Variants in R3HDM1 observed in about 807,000 individuals in gnomAD.
The protein encoded by R3HDM1 is R3H domain-containing protein 1.
R3HDM1 carries 46 observed loss-of-function variants against 141.1 expected under a neutral mutation model. The observed-to-expected ratio is 0.33, with a 90% CI of 0.26 to 0.42. R3HDM1 has a LOEUF of 0.42. Ranked by LOEUF, R3HDM1 falls within the 10% of genes least tolerant of loss-of-function variation. The pLI is 1.00. For missense variants in R3HDM1, 1,184 were observed against 1,368.3 expected (o/e 0.87, Z 2.12); for synonymous variants, 435 against 472.9 (o/e 0.92, Z 1.04).
intron 24 of R3HDM1, among the ~76,000 whole-genome samples, chr2:135,720,240 G>C (rs2076575610): frequency 1.3e-5 from 2 of 152,176 alleles, no homozygotes; most frequent in African/African-American, 4.8e-5. Context: ...CTATAGGTTG[G>C]GAAAGAGTAT....
chr2:135,647,257 T>G (rs1200768944), intron 16 of R3HDM1, among the ~76,000 whole-genome samples: 1 of 152,224 alleles, frequency 6.6e-6, no homozygotes, highest in Non-Finnish European at 1.5e-5. Context: ...CTGCCTTGGC[T>G]TCAGTCAGCT....
chr2:135,599,102 GT>G (rs1451759738), intron 1 of R3HDM1, among the ~76,000 whole-genome samples: 3 of 151,928 alleles, frequency 2.0e-5, no homozygotes, highest in African/African-American at 7.3e-5. Flanking sequence ...CTTTTTTAAG[GT>G]TATGACCTTT....
At chr2:135,587,024 G>A in intron 1 of R3HDM1, 1 of 974,622 alleles carries the variant, frequency 1.0e-6, no homozygotes, top group Non-Finnish European at 1.2e-6. Context: ...GGAAGAGGTA[G>A]AATAATTTTT....
chr2:135,597,317 G>A (rs1428557938), intron 1 of R3HDM1: 1 of 946,732 alleles, frequency 1.1e-6, no homozygotes, highest in Non-Finnish European at 1.3e-6. Flanking sequence ...TAAAGCTATA[G>A]TGCCTTCTGT....
intron 21 of R3HDM1, among the ~76,000 whole-genome samples, chr2:135,694,212 T>A (rs1480664103): frequency 1.3e-5 from 2 of 152,186 alleles, no homozygotes; most frequent in African/African-American, 4.8e-5. Context: ...AAACTTGCTG[T>A]TTTAGATATT....
intron 21 of R3HDM1, among the ~76,000 whole-genome samples, chr2:135,701,223 C>CAAAA (rs748354211): frequency 1.2e-5 from 1 of 82,432 alleles, no homozygotes; most frequent in Non-Finnish European, 2.7e-5. Flanking sequence ...TCATCTCTAC[C>CAAAA]AAAAAAAAAA....
chr2:135,533,667 C>T (rs1176818519), intron 1 of R3HDM1, among the ~76,000 whole-genome samples: 1 of 152,190 alleles, frequency 6.6e-6, no homozygotes, highest in Non-Finnish European at 1.5e-5. Flanking sequence ...CACCTGAGGT[C>T]GGGAGTTGGA....
intron 21 of R3HDM1, among the ~76,000 whole-genome samples, chr2:135,684,070 C>A (rs1413905801): frequency 1.3e-5 from 2 of 151,600 alleles, no homozygotes; most frequent in East Asian, 1.9e-4. Context: ...GAACATATTT[C>A]TTTTGTTTTG....
intron 1 of R3HDM1, among the ~76,000 whole-genome samples, chr2:135,567,592 A>G (rs1703096640): frequency 6.6e-6 from 1 of 152,234 alleles, no homozygotes; most frequent in African/African-American, 2.4e-5. Flanking sequence ...CCTTTAAAAA[A>G]GTAAAGTAAA....
intron 1 of R3HDM1, among the ~76,000 whole-genome samples, chr2:135,551,238 A>G (rs1305868176): frequency 6.6e-6 from 1 of 152,214 alleles, no homozygotes; most frequent in Admixed American, 6.5e-5. Flanking sequence ...CAAACTGACA[A>G]GTTTGTTTTT....
intron 15 of R3HDM1, among the ~76,000 whole-genome samples, chr2:135,644,276 G>T (rs1246378167): frequency 6.6e-6 from 1 of 152,234 alleles, no homozygotes; most frequent in African/African-American, 2.4e-5. Context: ...ACCAAGGCGG[G>T]TGGATCACGT....
chr2:135,678,812 G>A (rs918302502), intron 20 of R3HDM1, among the ~76,000 whole-genome samples: 13 of 134,586 alleles, frequency 9.7e-5, no homozygotes, highest in Admixed American at 8.9e-4. Flanking sequence ...CCAGGCTAGA[G>A]TGCAGTGGCT....
chr2:135,594,126 C>T (rs2105073102), intron 1 of R3HDM1, among the ~76,000 whole-genome samples: 1 of 152,334 alleles, frequency 6.6e-6, no homozygotes, highest in Middle Eastern at 3.4e-3. Context: ...CCAGGAGCTG[C>T]TTGTCTCCCA....
At chr2:135,707,780 C>A (rs1219602502) in intron 21 of R3HDM1, among the ~76,000 whole-genome samples, 1 of 152,194 alleles carries the variant, frequency 6.6e-6, no homozygotes. Context: ...CCACAGGTAG[C>A]TAATACTTAT....
chr2:135,630,877 T>TC (rs2062639707), intron 7 of R3HDM1, among the ~76,000 whole-genome samples: 1 of 152,094 alleles, frequency 6.6e-6, no homozygotes, highest in Non-Finnish European at 1.5e-5. Flanking sequence ...GTTATGGGTG[T>TC]GTGAGCAGGG....
At chr2:135,714,790 C>CAG (rs375509290) in intron 23 of R3HDM1, among the ~76,000 whole-genome samples, 3,543 of 151,718 alleles carry the variant, frequency 0.023, 55 homozygotes, top group Middle Eastern at 0.054. Context: ...CACACACACA[C>CAG]AGAGAAAGCA....
In R3HDM1 at chr2:135,642,963, T is replaced by C. The variant is rs560443917; in HGVS notation, c.1474+1173T>C. On this transcript the variant is annotated intron_variant, in intron 15 of 26. Coordinates refer to ENST00000683871, the MANE Select transcript of R3HDM1 (RefSeq NM_001378107.1). Reference sequence around the variant, plus strand: ...ACATTCCTGTTTTTATCCAGCAAGATGTAAGATGATTTAATATTTTACTTT... The same window carrying C: ...ACATTCCTGTTTTTATCCAGCAAGACGTAAGATGATTTAATATTTTACTTT... Among the ~76,000 whole-genome samples, 4 of 152,324 alleles carry C rather than the reference T, an allele frequency of 2.6e-5. No homozygotes were observed. The East Asian group carries it at 7.7e-4, about 29-fold the overall frequency.
Position 135,586,258 on chromosome 2 carries a change from G to C in R3HDM1, c.-249-16242G>C, listed in dbSNP as rs1162892931. 2.0e-5 allele frequency: 3 copies of C among 152,436 alleles called. No homozygotes were observed. In the East Asian group the frequency reaches 5.8e-4, roughly 29 times the overall value. 9.4% of individuals were successfully genotyped at this position (152,436 alleles called of 1,614,324 possible). On this transcript the variant is annotated intron_variant, in intron 1 of 26. Coordinates refer to ENST00000683871, the MANE Select transcript of R3HDM1 (RefSeq NM_001378107.1). ...TCAATATAGCTTCTGATGCATTTCA[G>C]ATATTCTGGGTGGTGACTGGCTAGA...
chr2:135,699,041 A>AGGTAGATT (rs2073801230), intron 21 of R3HDM1, among the ~76,000 whole-genome samples: 2 of 67,962 alleles, frequency 2.9e-5, no homozygotes, highest in Admixed American at 3.3e-4. Flanking sequence ...ATAGATAGAT[A>AGGTAGATT]GATAAGATAG....
Sources: gnomAD v4.1 joint callset for allele counts (sites outside exome capture counted in the v4.1 genomes callset) on GRCh38, gnomAD v4.1.1 for gene constraint, MANE v1.5 for transcripts, NCBI Gene and HGNC (gene_info 2026-07-23, HGNC 2026-07-21) for gene names.